PCNA: variants seen among roughly 807,000 people sequenced by gnomAD.
The protein encoded by PCNA is proliferating cell nuclear antigen.
Under a neutral mutation model 27.8 loss-of-function variants are expected in PCNA, and 4 were observed. The observed-to-expected ratio is 0.14, with a 90% confidence interval of 0.07 to 0.33. The LOEUF is 0.33. Ranked by LOEUF, PCNA falls within the 10% of genes least tolerant of loss-of-function variation. The probability of loss-of-function intolerance (pLI) is 1.00; values close to 1 mark genes in which losing one functional copy is unlikely to be tolerated. For synonymous variants in PCNA, 121 were observed against 119.4 expected (o/e 1.01, Z -0.09); for missense variants, 165 against 327.4 (o/e 0.50, Z 3.83).
intron 3 of PCNA, 124 bp downstream of exon 3, chr20:5,118,486 G>A: frequency 1.5e-6 from 1 of 671,870 alleles, no homozygotes; most frequent in Non-Finnish European, 2.6e-6. Context: ...GAGCTATATG[G>A]CACTACTGCA....
intron 1 of PCNA, 63 bp downstream of exon 1, chr20:5,119,515 C>A (rs912760420): frequency 1.4e-6 from 2 of 1,387,214 alleles, no homozygotes; most frequent in Non-Finnish European, 1.0e-6. Flanking sequence ...CTCGAAAGCG[C>A]TCCCGCCAAG....
At chr20:5,120,149 C>T (rs1162057655), upstream of PCNA, 2 of 282,580 alleles carry the variant, frequency 7.1e-6, no homozygotes, top group Non-Finnish European at 1.4e-5. Flanking sequence ...GTCTCCCCGC[C>T]TCTTTGACTC....
intron 1 of PCNA, among the ~76,000 whole-genome samples, chr20:5,125,641 T>C (rs8125170): frequency 0.16 from 23,717 of 152,118 alleles, 2,609 homozygotes; most frequent in African/African-American, 0.31. Context: ...GGGCAGTGAA[T>C]AGAAAGAACA....
upstream of PCNA, among the ~76,000 whole-genome samples, chr20:5,122,091 C>T (rs1255757493): frequency 6.6e-6 from 1 of 151,470 alleles, no homozygotes; most frequent in Admixed American, 6.6e-5. Flanking sequence ...AAGCAATTCT[C>T]ATGCCTCAGC....
upstream of PCNA, among the ~76,000 whole-genome samples, chr20:5,123,420 C>T (rs775765501): frequency 6.6e-6 from 1 of 152,058 alleles, no homozygotes; most frequent in Non-Finnish European, 1.5e-5. Context: ...TCTGGATGGG[C>T]GCAGTGGCTC....
At position 5,116,713 on chromosome 20, in the gene PCNA, C is replaced by T. The variant is rs375329359; in HGVS notation, c.582+757G>A. On this transcript the variant is annotated intron_variant, in intron 4 of 5. Transcript: ENST00000379143. ...TGTCACCCAGGCTGGAGGGGAGTGG[C>T]ATGATCTGGGCTCACTGCAACCTCC... 5.3e-5 allele frequency among the ~76,000 whole-genome samples: 8 copies of T among 152,270 alleles called. No homozygotes were observed. The East Asian group carries it at 1.4e-3, about 26-fold the overall frequency.
At chr20:5,118,476 G>C in intron 3 of PCNA, 134 bp downstream of exon 3, 1 of 640,636 alleles carries the variant, frequency 1.6e-6, no homozygotes. Context: ...AGGTTAGAGA[G>C]AGCTATATGG....
intron 3 of PCNA, among the ~76,000 whole-genome samples, chr20:5,117,993 T>C (rs911741082): frequency 6.6e-6 from 1 of 152,228 alleles, no homozygotes; most frequent in Non-Finnish European, 1.5e-5. Context: ...ATTTTCAACA[T>C]TCAAACATTT....
upstream of PCNA, chr20:5,120,076 G>A: frequency 4.4e-6 from 2 of 455,232 alleles, no homozygotes; most frequent in Non-Finnish European, 4.1e-6. Flanking sequence ...TGCTCCCCGC[G>A]AGGCCCGCCC....
chr20:5,121,790 T>A (rs891961880), upstream of PCNA, among the ~76,000 whole-genome samples: 6 of 151,844 alleles, frequency 4.0e-5, no homozygotes, highest in Admixed American at 3.9e-4. Context: ...TGTACCTGGC[T>A]AATTTTTAAA....
Position 5,119,857 on chromosome 20 carries a change from G to C in PCNA, c.-59C>G, listed in dbSNP as rs948407611. The stretch of plus-strand genomic sequence containing the variant: ...GGCGGGAAGGAGGAAAGTCTAGCTG[G>C]TTTCGGCTTCAGGAGCCTCAGAGCG... On this transcript the variant is annotated 5_prime_UTR_variant, in exon 1 of 6. Coordinates refer to ENST00000379143, the MANE Select transcript of PCNA (RefSeq NM_182649.2). 7.1e-7 allele frequency: 1 copy of C among 1,407,176 alleles called. No homozygotes were observed. The highest frequency in any genetic ancestry group is 2.0e-5 in the Admixed American group (1 of 50,572). 87.2% of individuals were successfully genotyped at this position (1,407,176 alleles called of 1,614,324 possible).
At chr20:5,116,663 G>A (rs963454634) in intron 4 of PCNA, among the ~76,000 whole-genome samples, 14 of 151,884 alleles carry the variant, frequency 9.2e-5, no homozygotes, top group African/African-American at 3.4e-4. Context: ...AGTTTTTTTT[G>A]TTTGTTTAAG....
chr20:5,115,762 A>G (rs2090470619), intron 4 of PCNA, among the ~76,000 whole-genome samples, 190 bp from the exon 5 acceptor site: 1 of 152,244 alleles, frequency 6.6e-6, no homozygotes, highest in Admixed American at 6.5e-5. Flanking sequence ...TATAATTTAG[A>G]TAACCAAATT....
chr20:5,126,044 A>C (rs2090545759), intron 1 of PCNA, among the ~76,000 whole-genome samples: 1 of 152,102 alleles, frequency 6.6e-6, no homozygotes, highest in African/African-American at 2.4e-5. Flanking sequence ...GACCAGCCTG[A>C]CCAATATGGT....
Position 5,115,237 on chromosome 20 carries a change from C to T in PCNA, c.*46G>A. On this transcript the variant is annotated 3_prime_UTR_variant, in exon 6 of 6. Transcript: ENST00000379143. Reference sequence around the variant, plus strand: ...TCAGTATATGCTGGCATCTTAGAAGCAGTTCTCAAAGAGCTTAGTTTTATT... The same window carrying T: ...TCAGTATATGCTGGCATCTTAGAAGTAGTTCTCAAAGAGCTTAGTTTTATT... The T allele has an allele frequency of 7.0e-7, 1 of 1,422,650 alleles. No homozygotes were observed. Among genetic ancestry groups the T allele is most frequent in the Middle Eastern group, 2.1e-4 (1 of 4,662 alleles). 88.1% of individuals were successfully genotyped at this position (1,422,650 alleles called of 1,614,324 possible).
At position 5,118,812 on chromosome 20, in the gene PCNA, G is replaced by A. The variant is rs199954221; in HGVS notation, c.276C>T (p.Ala92=). The part of the protein sequence containing the change: ...AGNEDIITLR[A]EDNADTLALV... ...GCGCCAAGGTATCCGCGTTATCTTCGGCCCTTAGTGTAATGATATCTTCAT... is the reference window on the plus strand; with the variant it reads ...GCGCCAAGGTATCCGCGTTATCTTCAGCCCTTAGTGTAATGATATCTTCAT... The change falls in exon 2 of 6, where the codon GCC becomes GCT. Residue 92 remains alanine, a synonymous_variant. Transcript: ENST00000379143. 1 of 1,614,004 alleles carries A rather than the reference G, an allele frequency of 6.2e-7. No homozygotes were observed. Among genetic ancestry groups the A allele is most frequent in the Non-Finnish European group, 8.5e-7 (1 of 1,179,966 alleles).
upstream of PCNA, among the ~76,000 whole-genome samples, chr20:5,124,310 CAG>C (rs924466439): frequency 2.4e-4 from 37 of 152,144 alleles, no homozygotes; most frequent in African/African-American, 7.9e-4. Context: ...CAGAAGAAAT[CAG>C]GGGCATTTAC....
intron 1 of PCNA, among the ~76,000 whole-genome samples, chr20:5,119,219 C>A (rs1202314717): frequency 1.3e-5 from 2 of 150,426 alleles, no homozygotes; most frequent in Admixed American, 6.6e-5. Flanking sequence ...CCAGCCCGGG[C>A]AACACACCGA....
rs1231685566 is a variant in PCNA at position 5,119,929 on chromosome 20, A to C, written c.-131T>G. 2 of 696,206 alleles carry C rather than the reference A, an allele frequency of 2.9e-6. No homozygotes were observed. The highest frequency in any genetic ancestry group is 4.9e-6 in the Non-Finnish European group (2 of 407,646). The allele number at this position is 696,206 out of a possible 1,614,324, so 43.1% of individuals were successfully genotyped here. On this transcript the variant is annotated 5_prime_UTR_variant, in exon 1 of 6. Transcript: ENST00000379143. ...CCGGCTGAGACCTAGAAAGACAACG[A>C]CCACTCTGCTACGCCTGCAACCGTT...
Sources: allele counts gnomAD v4.1 joint callset (sites outside exome capture counted in the v4.1 genomes callset), GRCh38; gene constraint gnomAD v4.1.1; transcripts MANE v1.5; gene names NCBI Gene and HGNC (gene_info 2026-07-23, HGNC 2026-07-21).